The following TENT5D variants were observed in gnomAD, a reference collection of about 807,000 sequenced individuals.
TENT5D encodes the protein terminal nucleotidyltransferase 5D, also known as cancer/testis antigen 112.
For synonymous variants in TENT5D, 103 were observed against 100.6 expected (o/e 1.02, Z -0.15); for missense variants, 191 against 287.0 (o/e 0.67, Z 2.42).
intron 3 of TENT5D, among the ~76,000 whole-genome samples, chrX:80,384,153 A>G (rs774000999): frequency 0.014 from 1,433 of 103,797 alleles, 15 homozygotes; most frequent in Non-Finnish European, 0.023. Flanking sequence ...ATCCCTGATG[A>G]ACATCGATGC....
intron 3 of TENT5D, among the ~76,000 whole-genome samples, chrX:80,382,778 G>A (rs113269762): frequency 0.01 from 1,158 of 110,972 alleles, 24 homozygotes; most frequent in African/African-American, 0.036. Context: ...GCAAGGCTCC[G>A]TGGACGTGGG....
At chrX:80,398,067 C>T (rs1931319597) in intron 3 of TENT5D, among the ~76,000 whole-genome samples, 1 of 112,318 alleles carries the variant, frequency 8.9e-6, no homozygotes, top group African/African-American at 3.2e-5. Flanking sequence ...TCTACATCCT[C>T]ACCAGCGTCT....
intron 1 of TENT5D, among the ~76,000 whole-genome samples, chrX:80,422,127 G>C (rs912996922): frequency 1.8e-5 from 2 of 111,712 alleles, no homozygotes; most frequent in South Asian, 3.8e-4. Context: ...ACCCCACCTA[G>C]GGTAGGTAGA....
At chrX:80,398,062 A>G (rs998204478) in intron 3 of TENT5D, among the ~76,000 whole-genome samples, 7 of 112,233 alleles carry the variant, frequency 6.2e-5, no homozygotes, top group Non-Finnish European at 1.1e-4. Flanking sequence ...TTTTCTCTAC[A>G]TCCTCACCAG....
intron 2 of TENT5D, 147 bp from the exon 3 acceptor site, chrX:80,442,375 A>G (rs1199514285): frequency 5.0e-6 from 2 of 401,695 alleles, no homozygotes; most frequent in Non-Finnish European, 8.5e-6. Flanking sequence ...TTTTATATTT[A>G]AACATGATTA....
chrX:80,407,890 T>A (rs1343223311), intron 3 of TENT5D, among the ~76,000 whole-genome samples: 2 of 110,002 alleles, frequency 1.8e-5, no homozygotes. Context: ...ACAGAAATTA[T>A]AACAAACTAT....
At chrX:80,393,724 A>G (rs999080678) in intron 3 of TENT5D, among the ~76,000 whole-genome samples, 1 of 111,423 alleles carries the variant, frequency 9.0e-6, no homozygotes, top group African/African-American at 3.3e-5. Flanking sequence ...ATCACCTCCC[A>G]GCCTCTGGTA....
At chrX:80,384,222 C>G (rs1477215414) in intron 3 of TENT5D, among the ~76,000 whole-genome samples, 1 of 99,302 alleles carries the variant, frequency 1.0e-5, no homozygotes, top group Non-Finnish European at 2.0e-5. Flanking sequence ...AAAGCTTATC[C>G]ACCATGATCA....
intron 3 of TENT5D, among the ~76,000 whole-genome samples, chrX:80,386,339 A>G (rs1397037728): frequency 9.0e-6 from 1 of 110,603 alleles, no homozygotes; most frequent in Non-Finnish European, 1.9e-5. Context: ...TCTCACTCAT[A>G]GGTGGGAATC....
chrX:80,420,844 G>A (rs1325182320), intron 1 of TENT5D, among the ~76,000 whole-genome samples: 1 of 111,705 alleles, frequency 9.0e-6, no homozygotes, highest in Non-Finnish European at 1.9e-5. Flanking sequence ...CGTTGATATA[G>A]TATTAAGAAT....
In TENT5D at chrX:80,420,580, A is replaced by G. The variant is rs1931863936; in HGVS notation, c.-142+17A>G. On this transcript the variant is annotated intron_variant, in intron 1 of 2. Coordinates refer to ENST00000308293, the Ensembl canonical transcript of TENT5D. ...GAAGACACGGTGAGCAATCTTGTAG[A>G]AAGGGAGTTTTTCTTTTAGTTTTAA... The G allele has an allele frequency of 9.0e-6, 1 of 111,575 alleles. No homozygotes were observed. The highest frequency in any genetic ancestry group is 1.9e-5 in the Non-Finnish European group (1 of 53,186). 9.2% of individuals were successfully genotyped at this position (111,575 alleles called of 1,213,427 possible).
intron 3 of TENT5D, among the ~76,000 whole-genome samples, chrX:80,413,306 G>C (rs1382826341): frequency 1.8e-5 from 2 of 111,958 alleles, no homozygotes; most frequent in African/African-American, 6.5e-5. Flanking sequence ...ATTTTTAATG[G>C]TGAAACATCA....
chrX:80,402,500 G>A (rs68037031), intron 3 of TENT5D, among the ~76,000 whole-genome samples: 12,492 of 110,812 alleles, frequency 0.11, 774 homozygotes, highest in African/African-American at 0.23. Context: ...TTTACTTGCA[G>A]TCTTCTTTTT....
chrX:80,393,985 C>A (rs1355810783), intron 3 of TENT5D, among the ~76,000 whole-genome samples: 1 of 111,887 alleles, frequency 8.9e-6, no homozygotes, highest in Non-Finnish European at 1.9e-5. Flanking sequence ...ATTTCCACAT[C>A]TTGGTTATTG....
intron 3 of TENT5D, among the ~76,000 whole-genome samples, chrX:80,352,315 A>G: frequency 8.9e-6 from 1 of 111,918 alleles, no homozygotes; most frequent in African/African-American, 3.2e-5. Context: ...AGTTTTATCT[A>G]TAAGCCACTG....
chrX:80,435,013 G>A (rs986162073), intron 1 of TENT5D, among the ~76,000 whole-genome samples: 3 of 110,073 alleles, frequency 2.7e-5, no homozygotes, highest in Non-Finnish European at 3.8e-5. Context: ...TCGATCTCCT[G>A]ACCTCATGAT....
chrX:80,396,952 G>C (rs1318728819), intron 3 of TENT5D, among the ~76,000 whole-genome samples: 2 of 67,923 alleles, frequency 2.9e-5, no homozygotes, highest in Non-Finnish European at 5.8e-5. Context: ...GGGCAGAGGG[G>C]CTCCTCACTT....
intron 3 of TENT5D, among the ~76,000 whole-genome samples, chrX:80,364,219 C>T (rs1242403747): frequency 9.0e-6 from 1 of 111,610 alleles, no homozygotes; most frequent in Non-Finnish European, 1.9e-5. Context: ...TCAAATTTAA[C>T]ATGTCTATAA....
chrX:80,380,633 T>C (rs903263314), intron 3 of TENT5D, among the ~76,000 whole-genome samples: 2 of 111,314 alleles, frequency 1.8e-5, no homozygotes, highest in African/African-American at 6.5e-5. Context: ...CTTTATGAAT[T>C]GGGTGCTCCT....
Sources: gnomAD v4.1 joint callset for allele counts (sites outside exome capture counted in the v4.1 genomes callset) on GRCh38, gnomAD v4.1.1 for gene constraint, MANE v1.5 for transcripts, NCBI Gene and HGNC (gene_info 2026-07-23, HGNC 2026-07-21) for gene names.